NRXN1: variants seen among roughly 807,000 people sequenced by gnomAD.
NRXN1 encodes neurexin-1.
In NRXN1, 39 loss-of-function variants were observed where a neutral mutation model predicts 150.9. That is an observed-to-expected ratio of 0.26 (90% CI 0.20 to 0.34). The LOEUF (loss-of-function observed/expected upper bound fraction) is 0.34. Among genes scored for constraint, NRXN1 ranks in the 10% least tolerant of loss-of-function variants. The pLI, the probability that NRXN1 is intolerant of heterozygous loss-of-function variation, is 1.00. For missense variants in NRXN1, 1,815 were observed against 1,949.9 expected, an observed-to-expected ratio of 0.93 and a Z score of 1.30; for synonymous variants, 924 against 757.0, an observed-to-expected ratio of 1.22 and a Z score of -3.62.
At chr2:50,122,700 CAT>C (rs1055672196) in intron 18 of NRXN1, among the ~76,000 whole-genome samples, 22 of 152,238 alleles carry the variant, frequency 1.4e-4, no homozygotes, top group African/African-American at 5.1e-4. Flanking sequence ...TCCATTAACA[CAT>C]GTTCCTTGAG....
intron 17 of NRXN1, among the ~76,000 whole-genome samples, chr2:50,380,116 C>G (rs1014482023): frequency 3.3e-5 from 5 of 151,948 alleles, no homozygotes; most frequent in Non-Finnish European, 5.9e-5. Context: ...ATATTTTTTA[C>G]TTTTCATTAA....
intron 17 of NRXN1, among the ~76,000 whole-genome samples, chr2:50,402,506 T>C (rs932308170): frequency 6.6e-6 from 1 of 152,092 alleles, no homozygotes; most frequent in Non-Finnish European, 1.5e-5. Flanking sequence ...CTTGAAACGG[T>C]AATCAGCAAG....
chr2:50,815,357 CTTA>C (rs1668783736), intron 5 of NRXN1, among the ~76,000 whole-genome samples: 2 of 152,104 alleles, frequency 1.3e-5, no homozygotes, highest in African/African-American at 4.8e-5. Context: ...GCATTTTAAA[CTTA>C]TTATTTGATC....
chr2:50,809,611 G>T (rs753994740), intron 5 of NRXN1, among the ~76,000 whole-genome samples: 3 of 151,984 alleles, frequency 2.0e-5, no homozygotes, highest in African/African-American at 7.2e-5. Flanking sequence ...ATGCCGTCAC[G>T]CTCCAGAAAA....
chr2:50,732,184 A>C (rs1698180773), intron 5 of NRXN1, among the ~76,000 whole-genome samples: 1 of 152,174 alleles, frequency 6.6e-6, no homozygotes, highest in Non-Finnish European at 1.5e-5. Flanking sequence ...ATATTTTTAC[A>C]TGCATGTGCC....
At chr2:50,079,830 T>C (rs891558997) in intron 19 of NRXN1, among the ~76,000 whole-genome samples, 2 of 152,108 alleles carry the variant, frequency 1.3e-5, no homozygotes, top group African/African-American at 4.8e-5. Flanking sequence ...CCTAAATACA[T>C]GCAAAGGCCT....
At chr2:50,731,866 C>T (rs1354447263) in intron 5 of NRXN1, among the ~76,000 whole-genome samples, 3 of 152,052 alleles carry the variant, frequency 2.0e-5, no homozygotes, top group Non-Finnish European at 4.4e-5. Context: ...TTAGGCATGC[C>T]TTGTTTTCGT....
chr2:50,278,255 T>TATTATATATATATATTA (rs1491158433), intron 17 of NRXN1, among the ~76,000 whole-genome samples: 1 of 112,572 alleles, frequency 8.9e-6, no homozygotes, highest in Non-Finnish European at 1.7e-5. Context: ...TATATATATA[T>TATTATATATATATATTA]TATATATATT....
At chr2:50,593,106 G>A (rs565177909) in intron 8 of NRXN1, among the ~76,000 whole-genome samples, 4 of 152,340 alleles carry the variant, frequency 2.6e-5, no homozygotes, top group African/African-American at 9.6e-5. Context: ...ATCAGAGTCT[G>A]TAGTTTTTGT....
chr2:50,977,809 C>A (rs972695881), intron 2 of NRXN1, among the ~76,000 whole-genome samples: 1 of 151,746 alleles, frequency 6.6e-6, no homozygotes. Flanking sequence ...AAAGTCATAT[C>A]ATAAATGAGC....
Position 50,446,715 on chromosome 2 carries a change from A to C in NRXN1, c.3364+18727T>G, listed in dbSNP as rs144477288. On this transcript the variant is annotated intron_variant, in intron 17 of 22. Transcript: ENST00000401669. Reference sequence around the variant, plus strand: ...AATACTTTTTGGCTGTTGAATTGAAATCCTCCTTTAAAAGGGGAGACACCT... The same window carrying C: ...AATACTTTTTGGCTGTTGAATTGAACTCCTCCTTTAAAAGGGGAGACACCT... 4.5e-4 allele frequency among the ~76,000 whole-genome samples: 69 copies of C among 152,020 alleles called. No individual in the cohort carries two copies. The East Asian group carries it at 0.012, about 27-fold the overall frequency.
At chr2:50,094,926 G>A (rs958355535) in intron 18 of NRXN1, among the ~76,000 whole-genome samples, 48 of 152,224 alleles carry the variant, frequency 3.2e-4, no homozygotes, top group African/African-American at 9.6e-4. Flanking sequence ...AAATGCTTCC[G>A]AAAAGTGCCT....
intron 5 of NRXN1, among the ~76,000 whole-genome samples, chr2:50,640,725 A>G (rs1400160927): frequency 6.6e-6 from 1 of 152,216 alleles, no homozygotes; most frequent in African/African-American, 2.4e-5. Flanking sequence ...TGACTTAGAC[A>G]ATCACATTTG....
At chr2:50,112,131 C>T (rs1702453179) in intron 18 of NRXN1, among the ~76,000 whole-genome samples, 1 of 152,050 alleles carries the variant, frequency 6.6e-6, no homozygotes, top group African/African-American at 2.4e-5. Flanking sequence ...TCTCCCTGTA[C>T]TTATTCTTGT....
At chr2:51,013,297 T>C (rs1407049209) in intron 2 of NRXN1, among the ~76,000 whole-genome samples, 2 of 151,988 alleles carry the variant, frequency 1.3e-5, no homozygotes, top group African/African-American at 2.4e-5. Context: ...GTGGAGAGCC[T>C]GCCCAGAGTG....
intron 12 of NRXN1, among the ~76,000 whole-genome samples, chr2:50,515,510 G>C (rs1274831456): frequency 6.6e-6 from 1 of 151,612 alleles, no homozygotes; most frequent in Non-Finnish European, 1.5e-5. Flanking sequence ...CAAATCAATT[G>C]CAAAGTCCTT....
At chr2:50,100,738 T>A (rs1700869149) in intron 18 of NRXN1, among the ~76,000 whole-genome samples, 1 of 152,038 alleles carries the variant, frequency 6.6e-6, no homozygotes, top group African/African-American at 2.4e-5. Context: ...TGAATCAGAG[T>A]CATCTCATTG....
intron 21 of NRXN1, chr2:49,974,073 A>C: frequency 1.4e-6 from 1 of 717,290 alleles, no homozygotes; most frequent in African/African-American, 1.7e-5. Flanking sequence ...AATTTAGTCC[A>C]TCCTCTGAAA....
At chr2:50,121,557 T>C (rs1348654079) in intron 18 of NRXN1, among the ~76,000 whole-genome samples, 1 of 152,170 alleles carries the variant, frequency 6.6e-6, no homozygotes, top group Non-Finnish European at 1.5e-5. Flanking sequence ...ATGGATTTTG[T>C]TGTGTGTCTG....
Sources: gnomAD v4.1 joint callset for allele counts (sites outside exome capture counted in the v4.1 genomes callset) on GRCh38, gnomAD v4.1.1 for gene constraint, MANE v1.5 for transcripts, NCBI Gene and HGNC (gene_info 2026-07-23, HGNC 2026-07-21) for gene names.